The following LUZP2 variants were observed in gnomAD, a reference collection of about 807,000 sequenced individuals.
The protein encoded by LUZP2 is leucine zipper protein 2.
A neutral mutation model predicts 51.6 loss-of-function variants in LUZP2; 52 were observed. The ratio of observed to expected loss-of-function variants is 1.01; its 90% CI spans 0.81 to 1.27. The LOEUF (loss-of-function observed/expected upper bound fraction) is 1.27. LUZP2 is among the 50% of genes most tolerant of loss of function. The pLI, the probability that LUZP2 is intolerant of heterozygous loss-of-function variation, is 0.00. For synonymous variants in LUZP2, 154 were observed against 137.3 expected, an observed-to-expected ratio of 1.12 and a Z score of -0.85; for missense variants, 436 against 395.4, an observed-to-expected ratio of 1.10 and a Z score of -0.87.
intron 4 of LUZP2, among the ~76,000 whole-genome samples, chr11:24,747,603 A>T (rs551832682): frequency 6.6e-6 from 1 of 152,216 alleles, no homozygotes; most frequent in East Asian, 1.9e-4. Context: ...GCAGGGTCCT[A>T]AAACTCCCAA....
chr11:24,777,848 C>A (rs1848981575), intron 5 of LUZP2, among the ~76,000 whole-genome samples: 1 of 151,954 alleles, frequency 6.6e-6, no homozygotes, highest in Non-Finnish European at 1.5e-5. Flanking sequence ...AACATGAAAT[C>A]TCTCCCGTTA....
intron 7 of LUZP2, among the ~76,000 whole-genome samples, chr11:24,968,379 A>C (rs1018934917): frequency 6.6e-6 from 1 of 152,172 alleles, no homozygotes; most frequent in African/African-American, 2.4e-5. Context: ...TTGCATACAA[A>C]ATCAGTCAGT....
At chr11:24,572,611 G>A (rs762955364) in intron 1 of LUZP2, among the ~76,000 whole-genome samples, 10 of 151,966 alleles carry the variant, frequency 6.6e-5, no homozygotes, top group Non-Finnish European at 1.2e-4. Flanking sequence ...CTCTGTGCAA[G>A]GATAGTGGCA....
intron 9 of LUZP2, among the ~76,000 whole-genome samples, chr11:25,044,450 C>G (rs1313099196): frequency 6.6e-6 from 1 of 151,586 alleles, no homozygotes; most frequent in African/African-American, 2.4e-5. Context: ...TCACTGATGG[C>G]AAAGGCATGT....
intron 4 of LUZP2, among the ~76,000 whole-genome samples, chr11:24,742,818 A>G (rs946498149): frequency 3.3e-5 from 5 of 152,088 alleles, no homozygotes; most frequent in Non-Finnish European, 7.4e-5. Context: ...TAGAAATTTT[A>G]TAGTTTCAGG....
intron 4 of LUZP2, among the ~76,000 whole-genome samples, chr11:24,738,843 T>C (rs569826886): frequency 9.2e-5 from 14 of 152,160 alleles, no homozygotes; most frequent in African/African-American, 3.4e-4. Flanking sequence ...GACCCCACCG[T>C]TTCAGCTCTT....
rs1859429896 is a variant in LUZP2, at chr11:25,080,353, A to AT, written c.*1699dup. ...CAGGTTTAAGTTAGGGTGGGCTATG[A>AT]TTTTCCATTTAGGTATCTGAAATGC... is the stretch of plus-strand genomic sequence containing the variant. On this transcript the variant is annotated 3_prime_UTR_variant, in exon 12 of 12. Coordinates refer to ENST00000336930, the MANE Select transcript of LUZP2 (RefSeq NM_001009909.4). The AT allele has an allele frequency of 6.6e-6, 1 of 152,102 alleles. No homozygotes were observed. Among genetic ancestry groups the AT allele is most frequent in the Non-Finnish European group, 1.5e-5 (1 of 68,040 alleles). The allele number at this position is 152,102 out of a possible 1,614,324, so 9.4% of individuals were successfully genotyped here. A position where few individuals can be genotyped will look rare whatever the true frequency, so the allele number is the denominator to read the frequency against.
At chr11:25,076,549 GAGGAGGGA>G (rs974561729) in intron 10 of LUZP2, among the ~76,000 whole-genome samples, 5 of 149,794 alleles carry the variant, frequency 3.3e-5, no homozygotes, top group East Asian at 4.0e-4. Context: ...GGAAGGAAGA[GAGGAGGGA>G]AGGAGGGAAG....
At chr11:24,867,408 G>C (rs955703821) in intron 5 of LUZP2, among the ~76,000 whole-genome samples, 2 of 152,152 alleles carry the variant, frequency 1.3e-5, no homozygotes, top group African/African-American at 4.8e-5. Context: ...TGCTTCTCTG[G>C]CTGTCTTTCT....
intron 1 of LUZP2, among the ~76,000 whole-genome samples, chr11:24,649,035 A>G (rs1340735737): frequency 6.6e-6 from 1 of 152,026 alleles, no homozygotes; most frequent in Non-Finnish European, 1.5e-5. Context: ...AATCTTCCCT[A>G]TGAAAAACAA....
At chr11:24,598,233 GA>G (rs1335901609) in intron 1 of LUZP2, among the ~76,000 whole-genome samples, 1 of 152,104 alleles carries the variant, frequency 6.6e-6, no homozygotes, top group Non-Finnish European at 1.5e-5. Context: ...AAAGCAAAAT[GA>G]GAGTTATTTC....
At chr11:24,754,473 C>G (rs1438146841) in intron 4 of LUZP2, among the ~76,000 whole-genome samples, 1 of 152,152 alleles carries the variant, frequency 6.6e-6, no homozygotes, top group Non-Finnish European at 1.5e-5. Context: ...GATAAGGCTT[C>G]TCTGACTGTC....
chr11:24,983,098 A>G, intron 8 of LUZP2, 28 bp from the exon 9 acceptor site: 1 of 1,607,732 alleles, frequency 6.2e-7, no homozygotes. Flanking sequence ...AGCTAAATGT[A>G]AATATGTTAA....
intron 9 of LUZP2, among the ~76,000 whole-genome samples, chr11:25,004,642 G>A (rs1002796164): frequency 2.0e-5 from 3 of 152,162 alleles, no homozygotes; most frequent in Non-Finnish European, 4.4e-5. Context: ...AGCCAGTCGA[G>A]GAAAGTGGAA....
At chr11:24,784,765 C>A (rs1023274039) in intron 5 of LUZP2, among the ~76,000 whole-genome samples, 4 of 151,862 alleles carry the variant, frequency 2.6e-5, no homozygotes, top group Non-Finnish European at 5.9e-5. Flanking sequence ...GTAGAATCTG[C>A]ATGAAAGTTT....
chr11:24,847,820 T>C (rs1851250448), intron 5 of LUZP2, among the ~76,000 whole-genome samples: 2 of 152,196 alleles, frequency 1.3e-5, no homozygotes, highest in South Asian at 4.1e-4. Context: ...TCCTCATTTA[T>C]TTATATGTTA....
At chr11:24,855,424 T>C (rs920182954) in intron 5 of LUZP2, among the ~76,000 whole-genome samples, 4 of 152,106 alleles carry the variant, frequency 2.6e-5, no homozygotes, top group Non-Finnish European at 4.4e-5. Flanking sequence ...GGGTGAAATA[T>C]CTCCGTAAGG....
chr11:24,765,776 G>A (rs868711250), intron 5 of LUZP2, among the ~76,000 whole-genome samples: 20 of 151,600 alleles, frequency 1.3e-4, no homozygotes, highest in Non-Finnish European at 2.1e-4. Context: ...ACAGATGCCC[G>A]CCACCACGCC....
At position 24,666,992 on chromosome 11, in the gene LUZP2, C is replaced by T. The variant is rs377227876; in HGVS notation, c.63-62177C>T. Among the ~76,000 whole-genome samples the T allele has an allele frequency of 3.2e-4, 49 of 152,176 alleles. 1 individual carries two copies. The South Asian group carries it at 8.7e-3, about 27-fold the overall frequency. On this transcript the variant is annotated intron_variant, in intron 1 of 11. Coordinates refer to ENST00000336930, the MANE Select transcript of LUZP2 (RefSeq NM_001009909.4). ...CATTGTGTATGTCACCTAACCCTTT[C>T]GCCCCATCATCAGTTTTCATGTGAA...
Sources: allele counts gnomAD v4.1 joint callset (sites outside exome capture counted in the v4.1 genomes callset), GRCh38; gene constraint gnomAD v4.1.1; transcripts MANE v1.5; gene names NCBI Gene and HGNC (gene_info 2026-07-23, HGNC 2026-07-21).